MYO1H: variants seen among roughly 807,000 people sequenced by gnomAD.
The protein encoded by MYO1H is unconventional myosin-Ih.
In MYO1H, 118 loss-of-function variants were observed where a neutral mutation model predicts 149.3. That is an observed-to-expected ratio of 0.79 (90% confidence interval 0.68 to 0.92). The LOEUF is 0.92. Ranked by LOEUF, MYO1H falls within the 40% of genes least tolerant of loss-of-function variation. MYO1H has a pLI of 0.00. For synonymous variants in MYO1H, 447 were observed against 465.2 expected, an observed-to-expected ratio of 0.96 and a Z score of 0.50; for missense variants, 1,212 against 1,280.7, an observed-to-expected ratio of 0.95 and a Z score of 0.82.
the MYO1H span, among the ~76,000 whole-genome samples, chr12:109,336,682 C>A: frequency 6.6e-6 from 1 of 152,156 alleles, no homozygotes; most frequent in East Asian, 1.9e-4. Flanking sequence ...TGCCTTGAGG[C>A]TCTAGTTAGT....
At chr12:109,364,048 A>G (rs1868811252) in intron 1 of MYO1H, among the ~76,000 whole-genome samples, 1 of 151,394 alleles carries the variant, frequency 6.6e-6, no homozygotes, top group Admixed American at 6.6e-5. Context: ...AAAAAATACA[A>G]AAAATATGTT....
At chr12:109,329,377 A>G in the MYO1H span, among the ~76,000 whole-genome samples, 1 of 152,312 alleles carries the variant, frequency 6.6e-6, no homozygotes, top group African/African-American at 2.4e-5. Flanking sequence ...AACTCTTCCC[A>G]GAAAAATTCT....
intron 1 of MYO1H, among the ~76,000 whole-genome samples, chr12:109,362,623 G>C (rs1232530705): frequency 1.3e-5 from 2 of 152,210 alleles, no homozygotes; most frequent in Non-Finnish European, 2.9e-5. Context: ...AAAAGAGGAT[G>C]GGTTTGATCT....
At chr12:109,376,992 G>A (rs879842117) in intron 1 of MYO1H, among the ~76,000 whole-genome samples, 4 of 152,092 alleles carry the variant, frequency 2.6e-5, no homozygotes, top group Non-Finnish European at 2.9e-5. Flanking sequence ...ATGTATTGAG[G>A]TGAAATTCAC....
At chr12:109,344,759 G>A (rs958063478), upstream of MYO1H, among the ~76,000 whole-genome samples, 12 of 152,124 alleles carry the variant, frequency 7.9e-5, no homozygotes, top group Admixed American at 7.9e-4. Context: ...AGACTGTGAG[G>A]TACGGCCATA....
At chr12:109,382,035 T>G (rs1184056154) in intron 1 of MYO1H, among the ~76,000 whole-genome samples, 1 of 152,158 alleles carries the variant, frequency 6.6e-6, no homozygotes, top group Non-Finnish European at 1.5e-5. Flanking sequence ...AAATTTCTCT[T>G]TATAGAACAG....
the MYO1H span, among the ~76,000 whole-genome samples, chr12:109,342,675 T>C: frequency 4.0e-4 from 61 of 151,718 alleles, no homozygotes; most frequent in Middle Eastern, 6.8e-3. Flanking sequence ...TCCAAGTATT[T>C]GGGACCACAG....
At position 109,354,413 on chromosome 12, in the gene MYO1H, T is replaced by G. The variant is rs185199424; in HGVS notation, c.12+6441T>G. 17 of 150,796 alleles carry G rather than the reference T, an allele frequency of 1.1e-4. No individual in the cohort carries two copies. The East Asian group carries it at 2.7e-3, about 24-fold the overall frequency. 9.3% of individuals were successfully genotyped at this position (150,796 alleles called of 1,614,324 possible). On this transcript the variant is annotated intron_variant, in intron 1 of 31. Transcript: ENST00000310903. ...GTCAGGAGATCGAGACCATCCTGGC[T>G]AACACAGTCGAATCTCTTGTCTCTA...
At chr12:109,311,372 G>C in the MYO1H span, among the ~76,000 whole-genome samples, 1 of 152,084 alleles carries the variant, frequency 6.6e-6, no homozygotes, top group African/African-American at 2.4e-5. Flanking sequence ...AGGCCTGGTT[G>C]GTAAAAATAT....
intron 20 of MYO1H, among the ~76,000 whole-genome samples, chr12:109,434,146 A>G (rs1221802160): frequency 6.6e-6 from 1 of 151,964 alleles, no homozygotes. Flanking sequence ...AGTAGCTGGG[A>G]TTACAGGTGC....
chr12:109,398,807 C>G (rs1049568988), intron 5 of MYO1H, among the ~76,000 whole-genome samples: 1 of 149,992 alleles, frequency 6.7e-6, no homozygotes, highest in South Asian at 2.1e-4. Context: ...GCCTGCTTAC[C>G]TGGCAGGGGC....
At chr12:109,438,465 C>T (rs1871966077) in intron 22 of MYO1H, 71 bp from the exon 23 acceptor site, 1 of 1,241,498 alleles carries the variant, frequency 8.1e-7, no homozygotes, top group Non-Finnish European at 1.2e-6. Flanking sequence ...TGGACAAAGC[C>T]TTCTGGAAAA....
intron 28 of MYO1H, 75 bp downstream of exon 28, chr12:109,443,724 A>G: frequency 1.3e-6 from 2 of 1,557,636 alleles, no homozygotes; most frequent in South Asian, 1.2e-5. Flanking sequence ...TGAAGCTCCC[A>G]AATGGGAAAC....
At chr12:109,413,907 C>G (rs1220162829) in intron 14 of MYO1H, among the ~76,000 whole-genome samples, 1 of 151,970 alleles carries the variant, frequency 6.6e-6, no homozygotes, top group African/African-American at 2.4e-5. Flanking sequence ...AAGACTCCAT[C>G]TCAAAGAGAA....
At chr12:109,378,345 A>T (rs924110959) in intron 1 of MYO1H, among the ~76,000 whole-genome samples, 1 of 151,156 alleles carries the variant, frequency 6.6e-6, no homozygotes, top group African/African-American at 2.4e-5. Flanking sequence ...TTTTGAGATA[A>T]GGTCTCACTC....
chr12:109,441,616 T>C, exon 26 of MYO1H: 1 of 1,607,474 alleles, frequency 6.2e-7, no homozygotes, highest in Non-Finnish European at 8.5e-7. Flanking sequence ...TATTACCAGA[T>C]GCAGCAAAAG....
At chr12:109,344,548 G>A (rs1055444701), upstream of MYO1H, among the ~76,000 whole-genome samples, 1 of 152,308 alleles carries the variant, frequency 6.6e-6, no homozygotes, top group East Asian at 1.9e-4. Flanking sequence ...TCATTAGAAT[G>A]TCAATACTCC....
chr12:109,416,482 C>T (rs1428725208), intron 15 of MYO1H, among the ~76,000 whole-genome samples: 1 of 151,724 alleles, frequency 6.6e-6, no homozygotes, highest in East Asian at 1.9e-4. Flanking sequence ...TTCATCCATG[C>T]TTTCATTCCT....
the MYO1H span, among the ~76,000 whole-genome samples, chr12:109,331,692 T>C: frequency 6.6e-6 from 1 of 152,228 alleles, no homozygotes; most frequent in Non-Finnish European, 1.5e-5. Flanking sequence ...TTCCAGGGAA[T>C]GTGAGAAGAT....
Sources: allele counts gnomAD v4.1 joint callset (sites outside exome capture counted in the v4.1 genomes callset), GRCh38; gene constraint gnomAD v4.1.1; transcripts MANE v1.5; gene names NCBI Gene and HGNC (gene_info 2026-07-23, HGNC 2026-07-21).